The following FMN2 variants were observed in gnomAD, a reference collection of about 807,000 sequenced individuals.
FMN2 encodes the protein formin-2.
Under a neutral mutation model 142.3 loss-of-function variants are expected in FMN2, and 51 were observed. The observed-to-expected ratio is 0.36, with a 90% CI of 0.29 to 0.45. The LOEUF (loss-of-function observed/expected upper bound fraction) is 0.45. FMN2 is among the 20% of genes least tolerant of loss of function. FMN2 has a pLI of 1.00. For missense variants in FMN2, 1,936 were observed against 2,122.8 expected (o/e 0.91, Z 1.73); for synonymous variants, 882 against 869.8 (o/e 1.01, Z -0.25).
intron 15 of FMN2, among the ~76,000 whole-genome samples, chr1:240,420,295 C>T (rs927030436): frequency 6.6e-6 from 1 of 152,138 alleles, no homozygotes; most frequent in Non-Finnish European, 1.5e-5. Context: ...TCTCAGCTTC[C>T]ACATTCCTTC....
chr1:240,388,853 AC>A (rs1673505275), intron 14 of FMN2, among the ~76,000 whole-genome samples: 1 of 136,538 alleles, frequency 7.3e-6, no homozygotes, highest in South Asian at 2.5e-4. Context: ...CAAGAGCAAA[AC>A]TCCATCTCAA....
intron 14 of FMN2, among the ~76,000 whole-genome samples, chr1:240,386,985 T>C (rs1268852612): frequency 6.6e-6 from 1 of 152,230 alleles, no homozygotes; most frequent in Non-Finnish European, 1.5e-5. Context: ...TGCAGATCTC[T>C]AGCATTTGAG....
chr1:240,139,980 G>A (rs1189641400), intron 2 of FMN2, among the ~76,000 whole-genome samples: 1 of 152,180 alleles, frequency 6.6e-6, no homozygotes, highest in African/African-American at 2.4e-5. Flanking sequence ...AGGGGGTTCG[G>A]ATAGGATGCC....
intron 16 of FMN2, among the ~76,000 whole-genome samples, chr1:240,470,655 A>G (rs1278443678): frequency 2.0e-5 from 3 of 152,170 alleles, no homozygotes; most frequent in African/African-American, 7.2e-5. Context: ...TATATTTATA[A>G]TTCACTTCTT....
chr1:240,243,195 T>C (rs1364003964), intron 6 of FMN2, among the ~76,000 whole-genome samples: 1 of 152,200 alleles, frequency 6.6e-6, no homozygotes, highest in Non-Finnish European at 1.5e-5. Context: ...CATGCAAGCA[T>C]TCTTCACTTT....
chr1:240,446,541 G>A (rs1675821796), intron 16 of FMN2, among the ~76,000 whole-genome samples: 1 of 152,124 alleles, frequency 6.6e-6, no homozygotes, highest in South Asian at 2.1e-4. Flanking sequence ...GATATTTAAA[G>A]TTACTCTTTT....
chr1:240,105,311 A>G (rs1339440921), intron 1 of FMN2, among the ~76,000 whole-genome samples: 3 of 151,610 alleles, frequency 2.0e-5, no homozygotes, highest in Non-Finnish European at 4.4e-5. Context: ...GTTTCACCAT[A>G]TTGGCCAGGC....
At chr1:240,147,357 G>A (rs1265227808) in intron 2 of FMN2, among the ~76,000 whole-genome samples, 1 of 152,050 alleles carries the variant, frequency 6.6e-6, no homozygotes, top group Admixed American at 6.6e-5. Context: ...CAATCTGTTG[G>A]CCTTTTTTCT....
chr1:240,126,826 A>AT (rs1029908822), intron 2 of FMN2, among the ~76,000 whole-genome samples: 4 of 152,064 alleles, frequency 2.6e-5, no homozygotes, highest in East Asian at 1.9e-4. Flanking sequence ...AGAGAGACAG[A>AT]TTTTTTTTCA....
At chr1:240,193,147 T>C (rs1665775298) in intron 4 of FMN2, among the ~76,000 whole-genome samples, 1 of 152,170 alleles carries the variant, frequency 6.6e-6, no homozygotes, top group Non-Finnish European at 1.5e-5. Flanking sequence ...TGCAACATTA[T>C]TAATGGCCTG....
intron 15 of FMN2, among the ~76,000 whole-genome samples, chr1:240,431,815 A>G (rs562726966): frequency 6.6e-6 from 1 of 151,492 alleles, no homozygotes; most frequent in East Asian, 1.9e-4. Context: ...GGTAAACCCT[A>G]ATTTGTTATG....
rs113866211 is a variant in FMN2, at chr1:240,325,491, A to G, written c.4216-3585A>G. Among the ~76,000 whole-genome samples, 311 of 152,286 alleles carry G rather than the reference A, an allele frequency of 2.0e-3. 1 individual carries two copies. Among genetic ancestry groups the G allele is most frequent in the African/African-American group, 7.2e-3 (300 of 41,564 alleles). ...CATGTGTATATATGCATACAAACAC[A>G]CACATACAGATTTGATCTTCATTAT... On this transcript the variant is annotated intron_variant, in intron 8 of 17. Transcript: ENST00000319653.
rs572009851 is a variant in FMN2 at position 240,279,213 on chromosome 1, C to T, written c.4154-15609C>T. Among the ~76,000 whole-genome samples the T allele has an allele frequency of 6.6e-5, 10 of 151,908 alleles. No individual in the cohort carries two copies. In the South Asian group the frequency reaches 1.2e-3, roughly 19 times the overall value. On this transcript the variant is annotated intron_variant, in intron 7 of 17. Transcript: ENST00000319653. Reference sequence around the variant, plus strand: ...TTTTACTATTTGCACATATTACGAGCGATTGAAGGATGTTAGGAAGCTCTG... The same window carrying T: ...TTTTACTATTTGCACATATTACGAGTGATTGAAGGATGTTAGGAAGCTCTG...
intron 15 of FMN2, among the ~76,000 whole-genome samples, chr1:240,393,926 C>T (rs1182492017): frequency 6.6e-6 from 1 of 152,150 alleles, no homozygotes; most frequent in African/African-American, 2.4e-5. Context: ...TGAGTATTGC[C>T]AGGGAAGAAG....
chr1:240,177,464 G>A (rs960049125), intron 2 of FMN2, among the ~76,000 whole-genome samples: 1 of 151,520 alleles, frequency 6.6e-6, no homozygotes, highest in South Asian at 2.1e-4. Context: ...GGCCTTTTGT[G>A]GTTGAAGGCA....
intron 16 of FMN2, among the ~76,000 whole-genome samples, chr1:240,440,384 AGATGAC>A (rs1675569398): frequency 6.6e-6 from 1 of 152,230 alleles, no homozygotes; most frequent in African/African-American, 2.4e-5. Flanking sequence ...AATTGTTTCT[AGATGAC>A]ATTATCAATA....
At chr1:240,182,508 G>T (rs936038408) in intron 3 of FMN2, among the ~76,000 whole-genome samples, 1 of 152,192 alleles carries the variant, frequency 6.6e-6, no homozygotes, top group African/African-American at 2.4e-5. Context: ...AGATTTTCAT[G>T]TGAAAATCCT....
chr1:240,409,262 C>G (rs1674316992), intron 15 of FMN2, among the ~76,000 whole-genome samples: 2 of 152,128 alleles, frequency 1.3e-5, no homozygotes, highest in Admixed American at 1.3e-4. Context: ...CCTGCCTCAG[C>G]CACCAAGTAG....
chr1:240,451,496 C>A (rs2103209548), intron 16 of FMN2, among the ~76,000 whole-genome samples: 1 of 152,084 alleles, frequency 6.6e-6, no homozygotes, highest in Non-Finnish European at 1.5e-5. Flanking sequence ...AATATTCTGC[C>A]CCTGCAGTGG....
Sources: gnomAD v4.1 joint callset for allele counts (sites outside exome capture counted in the v4.1 genomes callset) on GRCh38, gnomAD v4.1.1 for gene constraint, MANE v1.5 for transcripts, NCBI Gene and HGNC (gene_info 2026-07-23, HGNC 2026-07-21) for gene names.